DUXA: variants seen among roughly 807,000 people sequenced by gnomAD.
DUXA encodes the protein double homeobox protein A.
In DUXA, 25 loss-of-function variants were observed where a neutral mutation model predicts 27.5. The ratio of observed to expected loss-of-function variants is 0.91; its 90% CI spans 0.66 to 1.27. The LOEUF is 1.27. Ranked by LOEUF, DUXA falls within the 50% of genes most tolerant of loss-of-function variation. DUXA has a pLI of 0.00. For missense variants in DUXA, 247 were observed against 242.9 expected (o/e 1.02, Z -0.11); for synonymous variants, 90 against 80.5 (o/e 1.12, Z -0.63).
Position 57,160,656 on chromosome 19 carries a change from T to C in DUXA, c.167A>G (p.Glu56Gly). 6.2e-7 allele frequency: 1 copy of C among 1,612,666 alleles called. No homozygotes were observed. Among genetic ancestry groups the C allele is most frequent in the Non-Finnish European group, 8.5e-7 (1 of 1,179,982 alleles). ...ACTTTAACTTACCTGGATTCTGGAC[T>C]CTTCTGTATTGATTTCTAAAGCAAG... ...QKLALEINTE[E>G]SRIQIWFQNR... is the part of the protein sequence containing the mutation. The change falls in exon 2 of 6, where the codon GAG (glutamate) becomes GGG (glycine). Residue 56 changes from glutamate (E) to glycine (G), a missense_variant. Transcript: ENST00000554048.
rs202190836 is a variant in DUXA at position 57,158,367 on chromosome 19, T to A, written c.399A>T (p.Glu133Asp). 2 of 1,612,480 alleles carry A rather than the reference T, an allele frequency of 1.2e-6. No individual in the cohort carries two copies. Among genetic ancestry groups the A allele is most frequent in the Non-Finnish European group, 1.7e-6 (2 of 1,179,974 alleles). Reference sequence around the variant, plus strand: ...CTGGAACACCGATTTCTTTAGCAAGTTCTTCTCTGGAATCAATCCCAGGAT... The same window carrying A: ...CTGGAACACCGATTTCTTTAGCAAGATCTTCTCTGGAATCAATCCCAGGAT... ...NPYPGIDSRE[E>D]LAKEIGVPES... Residue 133 changes from glutamate (E) to aspartate (D), a missense_variant, in exon 4 of 6, where the codon GAA (glutamate) becomes GAT (aspartate). By Grantham distance (45) the Glu-to-Asp change is conservative (BLOSUM62 2). Coordinates refer to ENST00000554048, the MANE Select transcript of DUXA (RefSeq NM_001012729.2).
At chr19:57,156,972 CTT>C (rs1465110171) in intron 4 of DUXA, among the ~76,000 whole-genome samples, 2 of 152,066 alleles carry the variant, frequency 1.3e-5, no homozygotes, top group African/African-American at 4.8e-5. Context: ...AGCCACAACT[CTT>C]AATAGTGTGA....
intron 2 of DUXA, among the ~76,000 whole-genome samples, chr19:57,159,925 C>T (rs937238624): frequency 5.9e-5 from 9 of 151,986 alleles, no homozygotes; most frequent in African/African-American, 1.9e-4. Context: ...ACATAGTGAA[C>T]CTCAGTCTTT....
Position 57,154,392 on chromosome 19 carries a change from T to C in DUXA, c.*20A>G, listed in dbSNP as rs758665739. 1.2e-5 allele frequency: 19 copies of C among 1,609,120 alleles called. No individual in the cohort carries two copies. In the African/African-American group the frequency reaches 2.5e-4, roughly 22 times the overall value. ...TTGGGGTCCAGTTGATATTATCAAG[T>C]ACACTGAATTTGACTGTGTTCACCA... On this transcript the variant is annotated 3_prime_UTR_variant, in exon 6 of 6. Transcript: ENST00000554048.
intron 1 of DUXA, among the ~76,000 whole-genome samples, chr19:57,163,420 AT>A (rs2122698057): frequency 6.7e-6 from 1 of 149,530 alleles, no homozygotes; most frequent in East Asian, 2.0e-4. Flanking sequence ...AAGTGCTGGA[AT>A]TACAGGAAAG....
intron 1 of DUXA, among the ~76,000 whole-genome samples, chr19:57,161,221 AG>A (rs1457692952): frequency 2.7e-5 from 4 of 148,408 alleles, no homozygotes; most frequent in Non-Finnish European, 4.5e-5. Context: ...GCTACTCAGG[AG>A]GTGGAGGCAG....
chr19:57,165,321 AAAAATATAT>A (rs902519835), intron 1 of DUXA, among the ~76,000 whole-genome samples: 10 of 97,948 alleles, frequency 1.0e-4, no homozygotes, highest in South Asian at 1.0e-3. Context: ...AAAAAAAAAA[AAAAATATAT>A]ATATATATAT....
chr19:57,157,922 A>G (rs1183408862), intron 4 of DUXA, among the ~76,000 whole-genome samples: 1 of 151,680 alleles, frequency 6.6e-6, no homozygotes, highest in Non-Finnish European at 1.5e-5. Context: ...TGAACCTAGG[A>G]GGTCGAGGTG....
In DUXA at chr19:57,159,206, G is replaced by C. The variant is rs764351137; in HGVS notation, c.253C>G (p.Gln85Glu). 2 of 1,614,162 alleles carry C rather than the reference G, an allele frequency of 1.2e-6. No homozygotes were observed. The highest frequency in any genetic ancestry group is 1.6e-4 in the Middle Eastern group (1 of 6,062). Residue 85 changes from glutamine to glutamate, a missense_variant, in exon 3 of 6, where the codon CAG becomes GAG. Transcript: ENST00000554048. ...RPEAETLESS[Q>E]SQGQDQPGVE... is the part of the protein sequence containing the mutation. ...CCAGGTTGATCTTGCCCCTGGCTCTGGCTTGATTCTAAAGTCTCAGCTTCT... is the reference window on the plus strand; with the variant it reads ...CCAGGTTGATCTTGCCCCTGGCTCTCGCTTGATTCTAAAGTCTCAGCTTCT...
At position 57,163,839 on chromosome 19, in the gene DUXA, A is replaced by G. The variant is rs148305083; in HGVS notation, c.26-3042T>C. On this transcript the variant is annotated intron_variant, in intron 1 of 5. Coordinates refer to ENST00000554048, the MANE Select transcript of DUXA (RefSeq NM_001012729.2). The stretch of plus-strand genomic sequence containing the variant: ...TACATTTTTGTCTTACATTTTTTTC[A>G]AGTTTCCAACCCATTATCTTACATT... Among the ~76,000 whole-genome samples the G allele has an allele frequency of 2.6e-5, 4 of 152,290 alleles. No individual in the cohort carries two copies. In the East Asian group the frequency reaches 7.7e-4, roughly 29 times the overall value.
At chr19:57,166,936 A>C (rs1300694959) in intron 1 of DUXA, among the ~76,000 whole-genome samples, 6 of 152,184 alleles carry the variant, frequency 3.9e-5, no homozygotes, top group Non-Finnish European at 8.8e-5. Flanking sequence ...TTTTTGGAAC[A>C]CATTGAGTCT....
At chr19:57,160,141 A>G (rs2087012923) in intron 2 of DUXA, among the ~76,000 whole-genome samples, 1 of 152,080 alleles carries the variant, frequency 6.6e-6, no homozygotes, top group South Asian at 2.1e-4. Flanking sequence ...GCACATGCCT[A>G]TAGTCCCAGC....
At chr19:57,164,587 A>ATTT (rs778286300) in intron 1 of DUXA, among the ~76,000 whole-genome samples, 3 of 151,770 alleles carry the variant, frequency 2.0e-5, no homozygotes, top group Admixed American at 1.3e-4. Context: ...AAAAAATAAA[A>ATTT]TTAAAAATAA....
intron 4 of DUXA, among the ~76,000 whole-genome samples, chr19:57,157,365 T>G (rs2086997753): frequency 6.6e-6 from 1 of 152,044 alleles, no homozygotes; most frequent in Non-Finnish European, 1.5e-5. Flanking sequence ...GGAGTCTTGC[T>G]CTGTCACCCA....
chr19:57,165,320 AAAAAATAT>A (rs1288275566), intron 1 of DUXA, among the ~76,000 whole-genome samples: 15 of 96,638 alleles, frequency 1.6e-4, no homozygotes, highest in African/African-American at 5.0e-4. Context: ...AAAAAAAAAA[AAAAAATAT>A]ATATATATAT....
chr19:57,165,088 T>G (rs1295537509), intron 1 of DUXA, among the ~76,000 whole-genome samples: 1 of 151,916 alleles, frequency 6.6e-6, no homozygotes, highest in Non-Finnish European at 1.5e-5. Flanking sequence ...GCTCTGGAGC[T>G]CCACAGGCCA....
intron 1 of DUXA, among the ~76,000 whole-genome samples, chr19:57,165,324 A>AAAATATATATAT (rs1491567041): frequency 2.2e-5 from 2 of 89,286 alleles, no homozygotes; most frequent in East Asian, 6.1e-4. Context: ...AAAAAAAAAA[A>AAAATATATATAT]ATATATATAT....
At chr19:57,160,603 T>G in intron 2 of DUXA, 40 bp downstream of exon 2, 1 of 1,605,212 alleles carries the variant, frequency 6.2e-7, no homozygotes. Flanking sequence ...CTCTCCTGCC[T>G]TTTTACTTCC....
At chr19:57,156,095 C>G (rs2086991895) in intron 4 of DUXA, among the ~76,000 whole-genome samples, 3 of 152,192 alleles carry the variant, frequency 2.0e-5, no homozygotes, top group Admixed American at 2.0e-4. Context: ...ACAGGTCCAC[C>G]TCATTACAAT....
Sources: allele counts gnomAD v4.1 joint callset (sites outside exome capture counted in the v4.1 genomes callset), GRCh38; gene constraint gnomAD v4.1.1; transcripts MANE v1.5; gene names NCBI Gene and HGNC (gene_info 2026-07-23, HGNC 2026-07-21).